Variants in SEPTIN2 observed in about 807,000 individuals in gnomAD.
The protein encoded by SEPTIN2 is septin-2.
In SEPTIN2, 34 loss-of-function variants were observed where a neutral mutation model predicts 46.5. The ratio of observed to expected loss-of-function variants is 0.73; its 90% confidence interval spans 0.56 to 0.97. The LOEUF (loss-of-function observed/expected upper bound fraction) is 0.97. Among genes scored for constraint, SEPTIN2 ranks in the 50% least tolerant of loss-of-function variants. The pLI is 0.00. For missense variants in SEPTIN2, 347 were observed against 448.4 expected (o/e 0.77, Z 2.04); for synonymous variants, 175 against 153.4 (o/e 1.14, Z -1.04).
rs1011458575 is a variant in SEPTIN2 at position 241,352,284 on chromosome 2, C to G, written c.*347C>G. 6.6e-5 allele frequency: 10 copies of G among 152,610 alleles called. No individual in the cohort carries two copies. The highest frequency in any genetic ancestry group is 8.8e-5 in the Non-Finnish European group (6 of 68,038). The allele number at this position is 152,610 out of a possible 1,614,324, so 9.5% of individuals were successfully genotyped here. On this transcript the variant is annotated 3_prime_UTR_variant, in exon 13 of 13. Transcript: ENST00000391971. ...TTTAACTGACTTAACAACTGACTAA[C>G]CATTGATGAGCACTCCTGATTTTTA...
chr2:241,338,519 G>A (rs2080424166), intron 7 of SEPTIN2, among the ~76,000 whole-genome samples: 2 of 148,106 alleles, frequency 1.4e-5, no homozygotes, highest in South Asian at 4.2e-4. Context: ...GGGGGTTCAG[G>A]CAGGAGGATC....
At chr2:241,315,888 G>C (rs2076089648), upstream of SEPTIN2, 1 of 152,136 alleles carries the variant, frequency 6.6e-6, no homozygotes, top group Non-Finnish European at 1.5e-5. Context: ...CGCTGGGCGG[G>C]GCGGGGCGGG....
In SEPTIN2 at chr2:241,324,208, T is replaced by C; in HGVS notation, c.-17-8T>C. On this transcript the variant is annotated splice_region_variant and splice_polypyrimidine_tract_variant and intron_variant, in intron 1 of 12. Coordinates refer to ENST00000391971, the MANE Select transcript of SEPTIN2 (RefSeq NM_004404.5). ...TTTATGTGTGTCTGTGTGTTTTTTT[T>C]TTAACAGACGAAGCTTCACAAAAGA... 2 of 1,610,898 alleles carry C rather than the reference T, an allele frequency of 1.2e-6. No homozygotes were observed. The highest frequency in any genetic ancestry group is 1.7e-6 in the Non-Finnish European group (2 of 1,179,008).
At chr2:241,345,788 A>G (rs2150170891) in intron 9 of SEPTIN2, among the ~76,000 whole-genome samples, 1 of 152,252 alleles carries the variant, frequency 6.6e-6, no homozygotes. Flanking sequence ...TTTTCATTAC[A>G]TTTTCCGTAA....
At chr2:241,340,330 A>G (rs1193712920) in intron 7 of SEPTIN2, among the ~76,000 whole-genome samples, 1 of 152,050 alleles carries the variant, frequency 6.6e-6, no homozygotes, top group Admixed American at 6.6e-5. Flanking sequence ...TTGACTTAAC[A>G]CATATACTTA....
Position 241,335,958 on chromosome 2 carries a change from G to A in SEPTIN2, c.218-17G>A, listed in dbSNP as rs534119991. 6 of 1,614,010 alleles carry A rather than the reference G, an allele frequency of 3.7e-6. No homozygotes were observed. The East Asian group carries it at 1.3e-4, about 36-fold the overall frequency. On this transcript the variant is annotated splice_polypyrimidine_tract_variant and intron_variant, in intron 4 of 12. Coordinates refer to ENST00000391971, the MANE Select transcript of SEPTIN2 (RefSeq NM_004404.5). Reference sequence around the variant, plus strand: ...ACATGCTGCTTATATTCCCTATTAAGTTTGTTTCTTTTCTAGAAAAAATTG... The same window carrying A: ...ACATGCTGCTTATATTCCCTATTAAATTTGTTTCTTTTCTAGAAAAAATTG...
chr2:241,316,575 G>C (rs7580090), intron 1 of SEPTIN2: 3 of 1,503,038 alleles, frequency 2.0e-6, no homozygotes, highest in African/African-American at 1.4e-5. Context: ...GGCAGCAGGG[G>C]GTAGGGTATA....
At chr2:241,331,247 C>A (rs1370659648) in intron 3 of SEPTIN2, among the ~76,000 whole-genome samples, 2 of 152,156 alleles carry the variant, frequency 1.3e-5, no homozygotes, top group Admixed American at 1.3e-4. Context: ...ACTTAACAGT[C>A]ACAAAAAATA....
intron 1 of SEPTIN2, chr2:241,316,294 C>T (rs2076228998): frequency 4.7e-6 from 2 of 423,252 alleles, no homozygotes; most frequent in Admixed American, 9.2e-5. Flanking sequence ...TGCTGGGCCT[C>T]GGGGCGTCGA....
chr2:241,330,977 C>A (rs760263457), intron 3 of SEPTIN2, among the ~76,000 whole-genome samples: 1 of 152,136 alleles, frequency 6.6e-6, no homozygotes, highest in African/African-American at 2.4e-5. Flanking sequence ...TAAGACCAGC[C>A]CCCCCAACAT....
chr2:241,335,403 C>T, intron 4 of SEPTIN2, 191 bp downstream of exon 4: 2 of 1,491,084 alleles, frequency 1.3e-6, no homozygotes, highest in East Asian at 2.5e-5. Flanking sequence ...CTTTCTTTGA[C>T]ACGTATCCAT....
At chr2:241,327,250 A>G (rs1174168969) in intron 3 of SEPTIN2, among the ~76,000 whole-genome samples, 2 of 152,004 alleles carry the variant, frequency 1.3e-5, no homozygotes, top group Non-Finnish European at 2.9e-5. Flanking sequence ...TACTTAAAGG[A>G]AAGCATGAAT....
chr2:241,330,050 C>A (rs1425563878), intron 3 of SEPTIN2, among the ~76,000 whole-genome samples: 1 of 152,120 alleles, frequency 6.6e-6, no homozygotes, highest in Admixed American at 6.5e-5. Context: ...TAGTATTATT[C>A]CTAATTAGAC....
intron 11 of SEPTIN2, among the ~76,000 whole-genome samples, chr2:241,348,933 A>G (rs961195223): frequency 3.4e-4 from 52 of 152,344 alleles, no homozygotes; most frequent in African/African-American, 1.2e-3. Flanking sequence ...TTAATTCAAT[A>G]TTGATCAAAT....
In SEPTIN2 at chr2:241,350,198, T is replaced by A; in HGVS notation, c.*24T>A. On this transcript the variant is annotated 3_prime_UTR_variant, in exon 12 of 13. Coordinates refer to ENST00000391971, the MANE Select transcript of SEPTIN2 (RefSeq NM_004404.5). ...AAGGTGATGTGCACATATCAAGAAG[T>A]CAGAGGTAGGCCCTGTTGTCCCTTA... 5 of 1,577,112 alleles carry A rather than the reference T, an allele frequency of 3.2e-6. No homozygotes were observed. Among genetic ancestry groups the A allele is most frequent in the Non-Finnish European group, 4.3e-6 (5 of 1,157,954 alleles).
chr2:241,337,995 ATTC>A (rs1038663214), intron 7 of SEPTIN2, among the ~76,000 whole-genome samples: 3 of 152,182 alleles, frequency 2.0e-5, no homozygotes, highest in African/African-American at 7.2e-5. Flanking sequence ...TCAAATTTCT[ATTC>A]TTTAAATTCT....
At chr2:241,346,518 C>T (rs998604335) in intron 10 of SEPTIN2, 2 of 200,418 alleles carry the variant, frequency 1.0e-5, no homozygotes, top group Admixed American at 1.2e-4. Flanking sequence ...GAGACCAAGG[C>T]AAGGTAGATT....
At chr2:241,323,229 G>A (rs946019479) in intron 1 of SEPTIN2, among the ~76,000 whole-genome samples, 5 of 151,574 alleles carry the variant, frequency 3.3e-5, no homozygotes, top group African/African-American at 1.2e-4. Flanking sequence ...GGAGTGCAGT[G>A]GCATGATCTC....
At chr2:241,349,786 A>C (rs1004453097) in intron 11 of SEPTIN2, among the ~76,000 whole-genome samples, 6 of 152,246 alleles carry the variant, frequency 3.9e-5, no homozygotes, top group African/African-American at 1.2e-4. Flanking sequence ...GCGCCACTGC[A>C]CTCCAGCCTA....
Sources: allele counts gnomAD v4.1 joint callset (sites outside exome capture counted in the v4.1 genomes callset), GRCh38; gene constraint gnomAD v4.1.1; transcripts MANE v1.5; gene names NCBI Gene and HGNC (gene_info 2026-07-23, HGNC 2026-07-21).